The following LPP variants were observed in gnomAD, a reference collection of about 807,000 sequenced individuals.
The protein encoded by LPP is lipoma-preferred partner.
In LPP, 38 loss-of-function variants were observed where a neutral mutation model predicts 60.4. That is an observed-to-expected ratio of 0.63 (90% CI 0.49 to 0.83). LPP has a LOEUF of 0.83. LPP is among the 40% of genes least tolerant of loss of function. The probability of loss-of-function intolerance (pLI) is 0.00; values close to 1 mark genes in which losing one functional copy is unlikely to be tolerated. For synonymous variants in LPP, 328 were observed against 290.8 expected (o/e 1.13, Z -1.30); for missense variants, 902 against 783.6 (o/e 1.15, Z -1.80).
chr3:188,855,903 A>C (rs73888947), intron 9 of LPP, among the ~76,000 whole-genome samples: 2,797 of 152,312 alleles, frequency 0.018, 78 homozygotes, highest in African/African-American at 0.062. Flanking sequence ...TCTCCTTGCC[A>C]CTGAGCCATA....
chr3:188,541,857 C>A (rs1022885017), intron 6 of LPP, among the ~76,000 whole-genome samples: 1 of 151,858 alleles, frequency 6.6e-6, no homozygotes, highest in African/African-American at 2.4e-5. Context: ...AGATTGCACC[C>A]CTGCACTCTA....
Position 188,421,138 on chromosome 3 carries a change from A to C in LPP, c.193+14825A>C, listed in dbSNP as rs146529630. ...ATTCAGGCATAACTTGTTTGAACCA[A>C]ATTGTGTTCTTTAGACTGCAACATG... On this transcript the variant is annotated intron_variant, in intron 4 of 11. Coordinates refer to ENST00000617246, the MANE Select transcript of LPP (RefSeq NM_001375462.1). Among the ~76,000 whole-genome samples, 364 of 152,268 alleles carry C rather than the reference A, an allele frequency of 2.4e-3. 1 individual carries two copies. The highest frequency in any genetic ancestry group is 2.3e-3 in the Non-Finnish European group (157 of 68,020).
At chr3:188,579,841 G>A (rs1263809927) in intron 6 of LPP, among the ~76,000 whole-genome samples, 1 of 126,584 alleles carries the variant, frequency 7.9e-6, no homozygotes, top group East Asian at 2.7e-4. Context: ...ATGATGGCAT[G>A]CACTTGTTGT....
chr3:188,441,482 C>T (rs1415166726), intron 4 of LPP, among the ~76,000 whole-genome samples: 3 of 151,920 alleles, frequency 2.0e-5, no homozygotes, highest in African/African-American at 7.3e-5. Flanking sequence ...AGTTTCTTCA[C>T]AGTTGCCTCT....
intron 8 of LPP, among the ~76,000 whole-genome samples, chr3:188,715,607 GA>G (rs1167996903): frequency 3.3e-5 from 5 of 152,188 alleles, no homozygotes; most frequent in Non-Finnish European, 7.3e-5. Context: ...GCAGCTAAAG[GA>G]AAGCAAAGTT....
intron 4 of LPP, among the ~76,000 whole-genome samples, chr3:188,445,409 T>C (rs948518040): frequency 6.6e-6 from 1 of 152,162 alleles, no homozygotes; most frequent in African/African-American, 2.4e-5. Context: ...AAACACCGTA[T>C]GTTCTCACTC....
intron 2 of LPP, among the ~76,000 whole-genome samples, chr3:188,271,525 A>T (rs1737726004): frequency 6.6e-6 from 1 of 152,218 alleles, no homozygotes; most frequent in Non-Finnish European, 1.5e-5. Context: ...GCTGTCACAG[A>T]TGTTAAGAAG....
chr3:188,609,882 G>C lies in LPP; in HGVS notation c.1113+38G>C. 1 of 1,557,028 alleles carries C rather than the reference G, an allele frequency of 6.4e-7. No individual in the cohort carries two copies. The highest frequency in any genetic ancestry group is 1.7e-4 in the Middle Eastern group (1 of 5,730). On this transcript the variant is annotated intron_variant, in intron 7 of 11. Coordinates refer to ENST00000617246, the MANE Select transcript of LPP (RefSeq NM_001375462.1). The surrounding 1 kb of genome is among the most constrained non-coding windows in gnomAD (Gnocchi z 6.9). The stretch of plus-strand genomic sequence containing the variant: ...GTAACATAAGGAGGAGAATACAGGG[G>C]TGCCTATCTTAGTCTGCCTTCCCCA...
At chr3:188,753,628 T>G (rs9835956) in intron 8 of LPP, among the ~76,000 whole-genome samples, 3 of 150,090 alleles carry the variant, frequency 2.0e-5, no homozygotes, top group Non-Finnish European at 3.0e-5. Flanking sequence ...TTGTTTTTTG[T>G]TTTTTTTTAC....
intron 3 of LPP, among the ~76,000 whole-genome samples, chr3:188,402,135 A>G (rs1407141847): frequency 6.6e-6 from 1 of 152,186 alleles, no homozygotes; most frequent in African/African-American, 2.4e-5. Context: ...CTTTATGCTG[A>G]ATTTGGATAA....
intron 6 of LPP, among the ~76,000 whole-genome samples, chr3:188,590,556 A>G (rs1838466900): frequency 6.6e-6 from 1 of 152,190 alleles, no homozygotes; most frequent in Non-Finnish European, 1.5e-5. Flanking sequence ...CCTAGACAAC[A>G]CAGCAAGGCT....
chr3:188,346,182 A>G (rs1466259885), intron 3 of LPP, among the ~76,000 whole-genome samples: 1 of 143,302 alleles, frequency 7.0e-6, no homozygotes, highest in African/African-American at 2.6e-5. Context: ...GCCTTGTTTT[A>G]TTAAATCTAC....
chr3:188,766,584 A>G (rs1355990158), intron 9 of LPP, among the ~76,000 whole-genome samples: 1 of 152,190 alleles, frequency 6.6e-6, no homozygotes, highest in Non-Finnish European at 1.5e-5. Flanking sequence ...TCCATAGAGT[A>G]TGAGTGTCAG....
intron 7 of LPP, among the ~76,000 whole-genome samples, chr3:188,653,702 C>T (rs1465999077): frequency 1.3e-5 from 2 of 152,140 alleles, no homozygotes; most frequent in African/African-American, 4.8e-5. Context: ...TCACATACAG[C>T]CCTCAGTTAC....
chr3:188,235,542 T>A (rs1721592950), intron 2 of LPP, among the ~76,000 whole-genome samples: 1 of 152,200 alleles, frequency 6.6e-6, no homozygotes, highest in Non-Finnish European at 1.5e-5. Context: ...ATTTAAATAA[T>A]TTCCATTTTA....
chr3:188,570,078 A>C (rs1833175056), intron 6 of LPP, among the ~76,000 whole-genome samples: 1 of 151,140 alleles, frequency 6.6e-6, no homozygotes, highest in Non-Finnish European at 1.5e-5. Flanking sequence ...AATTCAGGAG[A>C]ATAACATTGT....
At chr3:188,517,219 T>C (rs1817618343) in intron 5 of LPP, among the ~76,000 whole-genome samples, 1 of 152,208 alleles carries the variant, frequency 6.6e-6, no homozygotes, top group South Asian at 2.1e-4. Flanking sequence ...AATTGGGAGA[T>C]ACAGGTATTA....
chr3:188,635,213 G>A (rs1227551076), intron 7 of LPP, among the ~76,000 whole-genome samples: 1 of 152,094 alleles, frequency 6.6e-6, no homozygotes, highest in Non-Finnish European at 1.5e-5. Flanking sequence ...ATGCCTCTAG[G>A]CATTCAGAAG....
intron 3 of LPP, among the ~76,000 whole-genome samples, chr3:188,368,680 TCTCACACACACACACACACA>T (rs1771968096): frequency 3.1e-5 from 3 of 95,336 alleles, no homozygotes; most frequent in African/African-American, 1.2e-4. Context: ...ACACACACAC[TCTCACACACACACACACACA>T]CACACACACA....
Sources: gnomAD v4.1 joint callset for allele counts (sites outside exome capture counted in the v4.1 genomes callset) on GRCh38, gnomAD v4.1.1 for gene constraint, Gnocchi (gnomAD v3.1) non-coding constraint, MANE v1.5 for transcripts, NCBI Gene and HGNC (gene_info 2026-07-23, HGNC 2026-07-21) for gene names.